The following IPCEF1 variants were observed in gnomAD, a reference collection of about 807,000 sequenced individuals.
IPCEF1 encodes interaction protein for cytohesin exchange factors 1.
Under a neutral mutation model 50.9 loss-of-function variants are expected in IPCEF1, and 31 were observed. That is an observed-to-expected ratio of 0.61 (90% CI 0.46 to 0.82). The LOEUF (loss-of-function observed/expected upper bound fraction) is 0.82. Ranked by LOEUF, IPCEF1 falls within the 40% of genes least tolerant of loss-of-function variation. The probability of loss-of-function intolerance (pLI) is 0.00; values close to 1 mark genes in which losing one functional copy is unlikely to be tolerated. For synonymous variants in IPCEF1, 181 were observed against 192.0 expected, an observed-to-expected ratio of 0.94 and a Z score of 0.47; for missense variants, 458 against 514.0, an observed-to-expected ratio of 0.89 and a Z score of 1.05.
chr6:154,237,272 T>A (rs562351033), intron 5 of IPCEF1, among the ~76,000 whole-genome samples: 6 of 152,356 alleles, frequency 3.9e-5, no homozygotes, highest in Non-Finnish European at 7.3e-5. Flanking sequence ...CATTAACTCA[T>A]GTGTTAACTG....
intron 1 of IPCEF1, among the ~76,000 whole-genome samples, chr6:154,294,772 G>T (rs990296241): frequency 4.6e-5 from 7 of 152,182 alleles, no homozygotes; most frequent in African/African-American, 1.7e-4. Flanking sequence ...ATCTTTCATG[G>T]TTGTGTGACA....
At position 154,313,067 on chromosome 6, in the gene IPCEF1, C is replaced by CAAAAAAAAAAAAAAAAAAAAAAAAAAAAA. The variant is rs71021040; in HGVS notation, c.-61-23312_-61-23311insTTTTTTTTTTTTTTTTTTTTTTTTTTTTT. 1.2e-4 allele frequency among the ~76,000 whole-genome samples: 7 copies of CAAAAAAAAAAAAAAAAAAAAAAAAAAAAA among 59,038 alleles called. 2 individuals are homozygous for CAAAAAAAAAAAAAAAAAAAAAAAAAAAAA. The highest frequency in any genetic ancestry group is 6.3e-4 in the African/African-American group (6 of 9,546). 38.7% of individuals were successfully genotyped at this position (59,038 alleles called of 152,430 possible). A position where few individuals can be genotyped will look rare whatever the true frequency, so the allele number is the denominator to read the frequency against. On this transcript the variant is annotated intron_variant, in intron 1 of 11. Transcript: ENST00000367220. The stretch of plus-strand genomic sequence containing the variant: ...CACTGCAGGCTGTGAGGCCCTGTCT[C>CAAAAAAAAAAAAAAAAAAAAAAAAAAAAA]AAAAAAAAAAAAAAAAAAACATGGC...
intron 5 of IPCEF1, among the ~76,000 whole-genome samples, chr6:154,225,052 T>C (rs1779147858): frequency 6.6e-6 from 1 of 152,176 alleles, no homozygotes; most frequent in Non-Finnish European, 1.5e-5. Context: ...AGACTGAGTA[T>C]CCCTTATTTG....
rs1798835607 is a variant in IPCEF1, at chr6:154,159,260, A to G, written c.*568T>C. ...TCCTCCTTCAGCTCTCCCACATGCC[A>G]CTGTCTATGAAGCATTTCTCATCAC... On this transcript the variant is annotated 3_prime_UTR_variant, in exon 12 of 12. Coordinates refer to ENST00000367220, the MANE Select transcript of IPCEF1 (RefSeq NM_001130700.2). 1 of 154,274 alleles carries G rather than the reference A, an allele frequency of 6.5e-6. No homozygotes were observed. The highest frequency in any genetic ancestry group is 1.4e-5 in the Non-Finnish European group (1 of 69,440). The allele number at this position is 154,274 out of a possible 1,614,324, so 9.6% of individuals were successfully genotyped here. A position where few individuals can be genotyped will look rare whatever the true frequency, so the allele number is the denominator to read the frequency against.
intron 1 of IPCEF1, among the ~76,000 whole-genome samples, chr6:154,354,415 A>ACCTCCCCCACCACCTCCACCATCT: frequency 2.1e-5 from 1 of 46,702 alleles, no homozygotes; most frequent in South Asian, 7.4e-4. Flanking sequence ...CTCCACCACC[A>ACCTCCCCCACCACCTCCACCATCT]CCTCCACCAC....
At chr6:154,355,703 G>A (rs953248144) in intron 1 of IPCEF1, among the ~76,000 whole-genome samples, 1 of 151,932 alleles carries the variant, frequency 6.6e-6, no homozygotes, top group African/African-American at 2.4e-5. Flanking sequence ...TGGCCAGGCT[G>A]GTCTCGAACT....
chr6:154,265,897 C>A lies in IPCEF1; in HGVS notation c.36+15G>T. On this transcript the variant is annotated intron_variant, in intron 3 of 11. Coordinates refer to ENST00000367220, the MANE Select transcript of IPCEF1 (RefSeq NM_001130700.2). ...GACAATATCTAAAGCCTGGGGTATT[C>A]CAAAGGATACTTACAAGAGCACTGC... is the stretch of plus-strand genomic sequence containing the variant. The A allele has an allele frequency of 6.3e-7, 1 of 1,576,006 alleles. No individual in the cohort carries two copies. Among genetic ancestry groups the A allele is most frequent in the Non-Finnish European group, 8.7e-7 (1 of 1,155,876 alleles).
chr6:154,255,740 T>C (rs954757032), intron 3 of IPCEF1, among the ~76,000 whole-genome samples: 1 of 152,206 alleles, frequency 6.6e-6, no homozygotes, highest in Non-Finnish European at 1.5e-5. Flanking sequence ...TTATGTCTTA[T>C]ATCAGTTTTT....
chr6:154,331,083 G>A (rs924169995), intron 1 of IPCEF1, among the ~76,000 whole-genome samples: 5 of 151,766 alleles, frequency 3.3e-5, no homozygotes, highest in African/African-American at 9.7e-5. Flanking sequence ...GCTGGCCAAC[G>A]TGGCAAAACC....
Position 154,160,039 on chromosome 6 carries a change from C to T in IPCEF1, c.1106G>A (p.Cys369Tyr). ...AATCATGGCCAGATCATGTTCTTTA[C>T]ACTGTGTGAGTAGAAAAAAAGGGGA... ...KIRTLNSTLK[C>Y]KEHDLAMINQ... Residue 369 changes from cysteine (C) to tyrosine (Y), a missense_variant and splice_region_variant, in exon 12 of 12, where the codon TGT becomes TAT. By Grantham distance (194) the Cys-to-Tyr change is radical. Coordinates refer to ENST00000367220, the MANE Select transcript of IPCEF1 (RefSeq NM_001130700.2). 2.5e-6 allele frequency: 4 copies of T among 1,608,820 alleles called. No individual in the cohort carries two copies. Among genetic ancestry groups the T allele is most frequent in the Non-Finnish European group, 3.4e-6 (4 of 1,178,890 alleles).
chr6:154,331,407 GAGAGAGAA>G (rs769738316), intron 1 of IPCEF1, among the ~76,000 whole-genome samples: 10 of 130,970 alleles, frequency 7.6e-5, no homozygotes, highest in African/African-American at 2.7e-4. Context: ...AAGAAAGAAA[GAGAGAGAA>G]AAAGAAAGAG....
chr6:154,278,238 C>T (rs1186490655), intron 2 of IPCEF1, among the ~76,000 whole-genome samples: 1 of 151,380 alleles, frequency 6.6e-6, no homozygotes, highest in Non-Finnish European at 1.5e-5. Flanking sequence ...ACCTCACAGG[C>T]ACCACTTCAT....
chr6:154,309,317 C>T (rs920366263), intron 1 of IPCEF1, among the ~76,000 whole-genome samples: 1 of 152,124 alleles, frequency 6.6e-6, no homozygotes, highest in African/African-American at 2.4e-5. Context: ...TCTGTCCCCC[C>T]ACTCTATGGT....
intron 10 of IPCEF1, among the ~76,000 whole-genome samples, chr6:154,177,350 C>G (rs1392147051): frequency 6.6e-6 from 1 of 152,150 alleles, no homozygotes; most frequent in East Asian, 1.9e-4. Context: ...AGTGAACAGG[C>G]AACCTACAGA....
chr6:154,222,696 A>C (rs1368849567), intron 6 of IPCEF1, among the ~76,000 whole-genome samples: 2 of 152,174 alleles, frequency 1.3e-5, no homozygotes, highest in Non-Finnish European at 2.9e-5. Flanking sequence ...TTTGGATTTC[A>C]ATTAGATCAG....
At chr6:154,311,609 A>T (rs1006710375) in intron 1 of IPCEF1, among the ~76,000 whole-genome samples, 2 of 152,214 alleles carry the variant, frequency 1.3e-5, no homozygotes, top group African/African-American at 4.8e-5. Context: ...TAAATAACCC[A>T]ATTTTTTAAA....
At chr6:154,346,887 C>T (rs1459661889) in intron 1 of IPCEF1, among the ~76,000 whole-genome samples, 2 of 152,190 alleles carry the variant, frequency 1.3e-5, no homozygotes, top group African/African-American at 4.8e-5. Context: ...GGTGGCCAGA[C>T]TCTATCCCTA....
At chr6:154,211,697 C>G (rs1777976836) in intron 9 of IPCEF1, among the ~76,000 whole-genome samples, 1 of 152,208 alleles carries the variant, frequency 6.6e-6, no homozygotes. Context: ...AATTGTGGAA[C>G]AGTTTAAAAA....
chr6:154,341,422 A>G (rs1215844840), intron 1 of IPCEF1, among the ~76,000 whole-genome samples: 1 of 152,198 alleles, frequency 6.6e-6, no homozygotes, highest in Non-Finnish European at 1.5e-5. Context: ...AGAAGGGATC[A>G]TTTGGGGATG....
Sources: allele counts gnomAD v4.1 joint callset (sites outside exome capture counted in the v4.1 genomes callset), GRCh38; gene constraint gnomAD v4.1.1; transcripts MANE v1.5; gene names NCBI Gene and HGNC (gene_info 2026-07-23, HGNC 2026-07-21).